Variants in ADK observed in about 807,000 individuals in gnomAD.
The protein encoded by ADK is N6,N6-dimethyladenosine kinase.
ADK carries 24 observed loss-of-function variants against 44.7 expected under a neutral mutation model. The ratio of observed to expected loss-of-function variants is 0.54; its 90% CI spans 0.39 to 0.76. ADK has a LOEUF of 0.76. Among genes scored for constraint, ADK ranks in the 30% least tolerant of loss-of-function variants. ADK has a pLI of 0.00. For synonymous variants in ADK, 128 were observed against 142.6 expected (o/e 0.90, Z 0.73); for missense variants, 321 against 425.1 (o/e 0.76, Z 2.15).
chr10:74,472,828 C>A (rs1406163769), intron 6 of ADK, among the ~76,000 whole-genome samples: 4 of 152,080 alleles, frequency 2.6e-5, no homozygotes, highest in Non-Finnish European at 4.4e-5. Flanking sequence ...TTTTTCCATA[C>A]TCTATTTTGT....
intron 6 of ADK, among the ~76,000 whole-genome samples, chr10:74,436,788 G>A (rs914283062): frequency 1.3e-5 from 2 of 152,066 alleles, no homozygotes; most frequent in Non-Finnish European, 2.9e-5. Context: ...AATGTAAAAC[G>A]ATGAAACTTT....
rs111330278 is a variant in ADK at position 74,203,756 on chromosome 10, A to AGAT, written c.140+2919_140+2921dup. Among the ~76,000 whole-genome samples, 20 of 125,128 alleles carry AGAT rather than the reference A, an allele frequency of 1.6e-4. 1 individual carries two copies. Among genetic ancestry groups the AGAT allele is most frequent in the African/African-American group, 4.6e-4 (15 of 32,332 alleles). 82.1% of individuals were successfully genotyped at this position (125,128 alleles called of 152,430 possible). A position where few individuals can be genotyped will look rare whatever the true frequency, so the allele number is the denominator to read the frequency against. On this transcript the variant is annotated intron_variant, in intron 2 of 10. Coordinates refer to ENST00000539909, the MANE Select transcript of ADK (RefSeq NM_006721.4). ...GTCAGTCCTCCAACTTTGTTTTTCAAGATTATTATTATTATTATTATTAAT... is the reference window on the plus strand; with the variant it reads ...GTCAGTCCTCCAACTTTGTTTTTCAAGATGATTATTATTATTATTATTATTAAT...
At chr10:74,276,373 C>T (rs1846680210) in intron 3 of ADK, among the ~76,000 whole-genome samples, 1 of 152,182 alleles carries the variant, frequency 6.6e-6, no homozygotes, top group African/African-American at 2.4e-5. Flanking sequence ...TTTTGGATGA[C>T]AGGGGTATTG....
chr10:74,321,867 A>G (rs1350989618), intron 4 of ADK, among the ~76,000 whole-genome samples: 1 of 152,228 alleles, frequency 6.6e-6, no homozygotes, highest in Non-Finnish European at 1.5e-5. Flanking sequence ...ATGTAAAATG[A>G]GTTTCTAAAA....
At chr10:74,386,246 C>T (rs573175806) in intron 4 of ADK, among the ~76,000 whole-genome samples, 3 of 152,040 alleles carry the variant, frequency 2.0e-5, no homozygotes, top group Non-Finnish European at 4.4e-5. Flanking sequence ...TCTGAGATGC[C>T]TCATTGAGTT....
intron 4 of ADK, among the ~76,000 whole-genome samples, chr10:74,338,529 C>T (rs1200740658): frequency 6.6e-6 from 1 of 152,054 alleles, no homozygotes; most frequent in Non-Finnish European, 1.5e-5. Flanking sequence ...TAACTTTCAA[C>T]AGGTGAATAG....
intron 10 of ADK, among the ~76,000 whole-genome samples, chr10:74,702,731 T>TG (rs377023524): frequency 2.1e-4 from 32 of 152,038 alleles, no homozygotes; most frequent in African/African-American, 7.5e-4. Context: ...CCCAAGTAGC[T>TG]GGGATTACAA....
At chr10:74,675,101 TC>T (rs1410599424) in intron 10 of ADK, among the ~76,000 whole-genome samples, 2 of 152,198 alleles carry the variant, frequency 1.3e-5, no homozygotes, top group Non-Finnish European at 2.9e-5. Flanking sequence ...TAAGAGTATT[TC>T]TGTCTTTTGT....
At chr10:74,261,975 A>G (rs1392576964) in intron 3 of ADK, among the ~76,000 whole-genome samples, 1 of 151,868 alleles carries the variant, frequency 6.6e-6, no homozygotes, top group African/African-American at 2.4e-5. Context: ...TATTTTTATT[A>G]GCCAGTTTTC....
At chr10:74,702,598 T>C (rs1856473918) in intron 10 of ADK, among the ~76,000 whole-genome samples, 1 of 128,634 alleles carries the variant, frequency 7.8e-6, no homozygotes, top group African/African-American at 3.1e-5. Flanking sequence ...TCTCTTTCTT[T>C]CTTTTTTCTT....
At chr10:74,293,899 A>G (rs1264194839) in intron 3 of ADK, among the ~76,000 whole-genome samples, 1 of 152,186 alleles carries the variant, frequency 6.6e-6, no homozygotes, top group Non-Finnish European at 1.5e-5. Flanking sequence ...AGTTCTAGAA[A>G]TAGAACTTGG....
At chr10:74,689,804 A>G (rs1053618629) in intron 10 of ADK, among the ~76,000 whole-genome samples, 3 of 152,194 alleles carry the variant, frequency 2.0e-5, no homozygotes, top group Non-Finnish European at 4.4e-5. Context: ...TAGCTCTTTA[A>G]CTTTTGTCAG....
chr10:74,229,894 C>A (rs1844689093), intron 3 of ADK, among the ~76,000 whole-genome samples: 1 of 151,842 alleles, frequency 6.6e-6, no homozygotes, highest in African/African-American at 2.4e-5. Flanking sequence ...ACAAAAGTAG[C>A]CGGATGTGGT....
In ADK at chr10:74,164,079, A is replaced by G. The variant is rs556964853; in HGVS notation, c.65+12736A>G. Among the ~76,000 whole-genome samples the G allele has an allele frequency of 3.3e-5, 5 of 152,340 alleles. No individual in the cohort carries two copies. The South Asian group carries it at 8.3e-4, about 25-fold the overall frequency. ...ATAAAACATTTTATCATAGGATAGC[A>G]TGTTGATGCATATAAAACATAGTGA... On this transcript the variant is annotated intron_variant, in intron 1 of 10. Coordinates refer to ENST00000539909, the MANE Select transcript of ADK (RefSeq NM_006721.4).
intron 6 of ADK, among the ~76,000 whole-genome samples, chr10:74,408,544 A>C (rs10762609): frequency 0.65 from 98,491 of 151,846 alleles, 33,221 homozygotes; most frequent in Middle Eastern, 0.8. Context: ...GTACAGTAGA[A>C]CCTTGAACAA....
chr10:74,579,852 T>C (rs1347456009), intron 7 of ADK, among the ~76,000 whole-genome samples: 1 of 152,292 alleles, frequency 6.6e-6, no homozygotes, highest in East Asian at 1.9e-4. Flanking sequence ...GTGGAACATT[T>C]CCTGAACTCA....
intron 6 of ADK, among the ~76,000 whole-genome samples, chr10:74,489,064 A>G (rs1048871303): frequency 3.9e-5 from 6 of 151,992 alleles, no homozygotes; most frequent in African/African-American, 7.2e-5. Flanking sequence ...AATTATACCT[A>G]CTTATTATGT....
intron 10 of ADK, among the ~76,000 whole-genome samples, chr10:74,681,714 A>G (rs1245967166): frequency 6.6e-6 from 1 of 152,028 alleles, no homozygotes; most frequent in Non-Finnish European, 1.5e-5. Flanking sequence ...GCCAAGCCTG[A>G]TGGCGGGCAC....
chr10:74,209,782 A>T (rs765293536), intron 2 of ADK, among the ~76,000 whole-genome samples: 8 of 152,170 alleles, frequency 5.3e-5, no homozygotes, highest in Non-Finnish European at 1.0e-4. Context: ...TATTGAAAAG[A>T]ATCTTTTCTA....
Sources: allele counts gnomAD v4.1 joint callset (sites outside exome capture counted in the v4.1 genomes callset), GRCh38; gene constraint gnomAD v4.1.1; transcripts MANE v1.5; gene names NCBI Gene and HGNC (gene_info 2026-07-23, HGNC 2026-07-21).